IPCEF1: variants seen among roughly 807,000 people sequenced by gnomAD.
The protein encoded by IPCEF1 is interactor protein for cytohesin exchange factors 1.
In IPCEF1, 31 loss-of-function variants were observed where a neutral mutation model predicts 50.9. The observed-to-expected ratio is 0.61, with a 90% CI of 0.46 to 0.82. The LOEUF is 0.82. IPCEF1 is among the 40% of genes least tolerant of loss of function. The probability of loss-of-function intolerance (pLI) is 0.00; values close to 1 mark genes in which losing one functional copy is unlikely to be tolerated. For synonymous variants in IPCEF1, 181 were observed against 192.0 expected, an observed-to-expected ratio of 0.94 and a Z score of 0.47; for missense variants, 458 against 514.0, an observed-to-expected ratio of 0.89 and a Z score of 1.05.
intron 1 of IPCEF1, chr6:154,329,897 T>C (rs1660006365): frequency 6.6e-6 from 1 of 152,306 alleles, no homozygotes; most frequent in African/African-American, 2.4e-5. Flanking sequence ...TTTTGAATCT[T>C]TGTTTTTCTT....
At chr6:154,331,395 G>GAAAGAA (rs1554225609) in intron 1 of IPCEF1, among the ~76,000 whole-genome samples, 12 of 133,670 alleles carry the variant, frequency 9.0e-5, no homozygotes, top group African/African-American at 2.7e-4. Context: ...AAGAAAGAAA[G>GAAAGAA]AAAGAAAGAA....
intron 1 of IPCEF1, among the ~76,000 whole-genome samples, chr6:154,351,744 C>A (rs1051283543): frequency 3.3e-5 from 5 of 152,132 alleles, no homozygotes; most frequent in Admixed American, 6.5e-5. Flanking sequence ...GCTTCAATTT[C>A]ATGGAGATAA....
chr6:154,262,731 CT>C (rs1253195668), intron 3 of IPCEF1, among the ~76,000 whole-genome samples: 2 of 144,800 alleles, frequency 1.4e-5, no homozygotes, highest in Non-Finnish European at 3.0e-5. Context: ...TTTTTTATGT[CT>C]TTGTTCCAAA....
chr6:154,198,976 C>T (rs553582417), intron 10 of IPCEF1, among the ~76,000 whole-genome samples: 10 of 152,268 alleles, frequency 6.6e-5, no homozygotes, highest in African/African-American at 2.2e-4. Flanking sequence ...AGATACGTCA[C>T]GATTGAACAG....
At chr6:154,324,875 C>T (rs895389087) in intron 1 of IPCEF1, among the ~76,000 whole-genome samples, 1 of 101,166 alleles carries the variant, frequency 9.9e-6, no homozygotes, top group African/African-American at 3.0e-5. Context: ...ACATAAAATA[C>T]GTTTGAGGGT....
At chr6:154,301,151 C>T (rs891556965) in intron 1 of IPCEF1, among the ~76,000 whole-genome samples, 6 of 152,118 alleles carry the variant, frequency 3.9e-5, no homozygotes, top group Admixed American at 3.9e-4. Flanking sequence ...CATGTAGTTA[C>T]ACCTGTTTAG....
At chr6:154,227,537 G>A (rs1467340586) in intron 5 of IPCEF1, among the ~76,000 whole-genome samples, 1 of 152,002 alleles carries the variant, frequency 6.6e-6, no homozygotes, top group Non-Finnish European at 1.5e-5. Context: ...TGGGCAACAT[G>A]GTGAAATCCC....
At chr6:154,291,146 C>A (rs1324939897) in intron 1 of IPCEF1, among the ~76,000 whole-genome samples, 1 of 152,182 alleles carries the variant, frequency 6.6e-6, no homozygotes, top group Non-Finnish European at 1.5e-5. Context: ...CCCGTCTCGG[C>A]CTCCCAAAGT....
chr6:154,246,858 A>C, intron 4 of IPCEF1, 98 bp from the exon 5 acceptor site: 1 of 1,341,852 alleles, frequency 7.5e-7, no homozygotes, highest in Non-Finnish European at 9.8e-7. Flanking sequence ...GCAACTTTTA[A>C]TTGTTAACCC....
intron 9 of IPCEF1, among the ~76,000 whole-genome samples, chr6:154,200,762 A>G (rs768535730): frequency 6.6e-6 from 1 of 152,190 alleles, no homozygotes; most frequent in Non-Finnish European, 1.5e-5. Context: ...CATTCCAGAA[A>G]CAAAATACGA....
At chr6:154,286,197 G>T (rs989008882) in intron 2 of IPCEF1, among the ~76,000 whole-genome samples, 1 of 152,054 alleles carries the variant, frequency 6.6e-6, no homozygotes, top group South Asian at 2.1e-4. Context: ...GTCTGGGGGT[G>T]GGGGGTGGCA....
chr6:154,299,381 CA>C (rs2128673868), intron 1 of IPCEF1, among the ~76,000 whole-genome samples: 1 of 141,420 alleles, frequency 7.1e-6, no homozygotes, highest in East Asian at 2.0e-4. Context: ...AAATGCCCAT[CA>C]ATGACAGACT....
intron 4 of IPCEF1, chr6:154,247,241 T>C (rs2128643783): frequency 1.8e-6 from 1 of 543,734 alleles, no homozygotes. Context: ...TAAGCTCTTT[T>C]GACATACCAC....
chr6:154,199,780 T>G lies in IPCEF1; in HGVS notation c.798A>C (p.Ser266=), dbSNP rs533053679. 6.2e-7 allele frequency: 1 copy of G among 1,614,252 alleles called. No homozygotes were observed. Among genetic ancestry groups the G allele is most frequent in the African/African-American group, 1.3e-5 (1 of 75,074 alleles). ...ATAAAGAGTTCAAAAATCCACTTTC[T>G]GATGTGACAAAACTGTTTTCCAGGG... ...HKALENSFVT[S]ESGFLNSLSS... The change falls in exon 10 of 12, where the codon TCA becomes TCC. Residue 266 remains serine, a synonymous_variant. Transcript: ENST00000367220.
At chr6:154,202,838 A>C (rs957241606) in intron 9 of IPCEF1, among the ~76,000 whole-genome samples, 1 of 151,248 alleles carries the variant, frequency 6.6e-6, no homozygotes, top group Admixed American at 6.6e-5. Context: ...TTCATTTTTA[A>C]ATGGAGAAAA....
chr6:154,265,778 G>A (rs1781740314), intron 3 of IPCEF1, 134 bp downstream of exon 3: 2 of 665,170 alleles, frequency 3.0e-6, no homozygotes, highest in Non-Finnish European at 5.3e-6. Flanking sequence ...TCTAGCAACA[G>A]TGTCTTTGGT....
chr6:154,313,868 C>T (rs1363463093), intron 1 of IPCEF1, among the ~76,000 whole-genome samples: 2 of 152,064 alleles, frequency 1.3e-5, no homozygotes, highest in African/African-American at 4.8e-5. Flanking sequence ...CTCAGCCTCC[C>T]AAGTAGCTGA....
In IPCEF1 at chr6:154,331,370, G is replaced by GAAAGAAAGAAAGAAA. The variant is rs149419612; in HGVS notation, c.-62+25301_-62+25302insTTTCTTTCTTTCTTT. 9.3e-3 allele frequency among the ~76,000 whole-genome samples: 1,036 copies of GAAAGAAAGAAAGAAA among 111,976 alleles called. 12 individuals are homozygous for GAAAGAAAGAAAGAAA. The highest frequency in any genetic ancestry group is 0.011 in the Non-Finnish European group (683 of 60,470). 73.5% of individuals were successfully genotyped at this position (111,976 alleles called of 152,430 possible). On this transcript the variant is annotated intron_variant, in intron 1 of 11. Coordinates refer to ENST00000367220, the MANE Select transcript of IPCEF1 (RefSeq NM_001130700.2). The stretch of plus-strand genomic sequence containing the variant: ...GGGGAAGGAAAGAGAAAGAAAGAAA[G>GAAAGAAAGAAAGAAA]GAAAGAAAGAAAGAAAGAAAGAAAG...
intron 2 of IPCEF1, among the ~76,000 whole-genome samples, chr6:154,282,573 G>A (rs1356485795): frequency 6.6e-6 from 1 of 152,162 alleles, no homozygotes; most frequent in Non-Finnish European, 1.5e-5. Flanking sequence ...TGTAGTCCCA[G>A]CTACTTGGGA....
Sources: allele counts gnomAD v4.1 joint callset (sites outside exome capture counted in the v4.1 genomes callset), GRCh38; gene constraint gnomAD v4.1.1; transcripts MANE v1.5; gene names NCBI Gene and HGNC (gene_info 2026-07-23, HGNC 2026-07-21).